Variants in CELF6 observed in about 807,000 individuals in gnomAD.
CELF6 encodes the protein CUGBP Elav-like family member 6.
CELF6 carries 32 observed loss-of-function variants against 53.1 expected under a neutral mutation model. The ratio of observed to expected loss-of-function variants is 0.60; its 90% CI spans 0.46 to 0.81. CELF6 has a LOEUF of 0.81. Among genes scored for constraint, CELF6 ranks in the 30% least tolerant of loss-of-function variants. The pLI is 0.00. For missense variants in CELF6, 539 were observed against 669.5 expected (o/e 0.81, Z 2.15); for synonymous variants, 291 against 288.8 (o/e 1.01, Z -0.08).
intron 3 of CELF6, among the ~76,000 whole-genome samples, chr15:72,292,811 T>C (rs1351615960): frequency 6.6e-6 from 1 of 152,228 alleles, no homozygotes; most frequent in Non-Finnish European, 1.5e-5. Context: ...GCTGATCACT[T>C]GAGGTCGGGG....
chr15:72,307,625 G>A (rs984538095), intron 2 of CELF6, among the ~76,000 whole-genome samples: 2 of 152,238 alleles, frequency 1.3e-5, no homozygotes, highest in African/African-American at 4.8e-5. Context: ...ATCCCATGGT[G>A]GGTAAGTGGT....
chr15:72,304,511 T>G (rs1406858284), intron 3 of CELF6, among the ~76,000 whole-genome samples: 1 of 152,180 alleles, frequency 6.6e-6, no homozygotes. Context: ...TCTCTATCAC[T>G]GGCATCTGTT....
intron 2 of CELF6, among the ~76,000 whole-genome samples, chr15:72,308,297 C>T (rs536153698): frequency 2.0e-5 from 3 of 152,152 alleles, no homozygotes; most frequent in East Asian, 1.9e-4. Flanking sequence ...GGCGTAATCT[C>T]GCCTCACCGA....
At position 72,287,241 on chromosome 15, in the gene CELF6, C is replaced by T. The variant is rs1448500714; in HGVS notation, c.*24G>A. 4 of 1,611,956 alleles carry T rather than the reference C, an allele frequency of 2.5e-6. No homozygotes were observed. The highest frequency in any genetic ancestry group is 3.4e-6 in the Non-Finnish European group (4 of 1,178,906). On this transcript the variant is annotated 3_prime_UTR_variant, in exon 12 of 13. Coordinates refer to ENST00000287202, the MANE Select transcript of CELF6 (RefSeq NM_052840.5). The stretch of plus-strand genomic sequence containing the variant: ...TGGGGTCCATCAGGGACTCACCTTT[C>T]TGTGGCTGGTCAGTGAAAGCAGGTC...
intron 3 of CELF6, among the ~76,000 whole-genome samples, chr15:72,299,831 C>T (rs150475721): frequency 1.3e-5 from 2 of 152,238 alleles, no homozygotes; most frequent in East Asian, 3.9e-4. Context: ...TGGAACTTAG[C>T]TACAGAATTT....
chr15:72,297,353 G>A (rs2088094215), intron 3 of CELF6, among the ~76,000 whole-genome samples: 1 of 151,182 alleles, frequency 6.6e-6, no homozygotes, highest in Non-Finnish European at 1.5e-5. Context: ...GCTTCTATGA[G>A]CTCCACTTTT....
intron 3 of CELF6, among the ~76,000 whole-genome samples, chr15:72,296,693 G>T (rs568528712): frequency 3.9e-5 from 6 of 152,286 alleles, no homozygotes; most frequent in Admixed American, 3.3e-4. Flanking sequence ...CATAAGAAAA[G>T]ATGCTCAAAA....
intron 2 of CELF6, among the ~76,000 whole-genome samples, chr15:72,311,404 TC>T (rs2088294331): frequency 7.2e-6 from 1 of 138,774 alleles, no homozygotes; most frequent in Non-Finnish European, 1.5e-5. Flanking sequence ...TCACCTTTTT[TC>T]TTTTTTTTTT....
chr15:72,287,527 A>G (rs2087938358), intron 11 of CELF6, 135 bp from the exon 12 acceptor site: 3 of 949,228 alleles, frequency 3.2e-6, no homozygotes, highest in Admixed American at 2.4e-5. Context: ...GTTTGTGTGG[A>G]TACAGAGTCA....
Position 72,289,176 on chromosome 15 carries a change from G to T in CELF6, c.992C>A (p.Ser331Tyr). 1 of 1,559,172 alleles carries T rather than the reference G, an allele frequency of 6.4e-7. No homozygotes were observed. ...GAGCCCGTTATTGTAGAGCGTGTCG[G>T]AGCCCGGCTGGCCATTGGTCTGGGG... is the stretch of plus-strand genomic sequence containing the variant. Reference protein sequence around the residue: ...LTPQTNGQPGSDTLYNNGLSP... With the variant: ...LTPQTNGQPGYDTLYNNGLSP... The change falls in exon 8 of 13, where the codon TCC (serine) becomes TAC (tyrosine). Residue 331 changes from serine to tyrosine, a missense_variant. Around this residue, in one of 3 missense-constraint regions of CELF6, gnomAD observed 358 missense variants for 412.8 expected, o/e 0.87. Coordinates refer to ENST00000287202, the MANE Select transcript of CELF6 (RefSeq NM_052840.5). This position sits in a 1 kb window ranked among gnomAD's most constrained non-coding sequence, Gnocchi z 7.6.
chr15:72,315,828 C>A lies in CELF6; in HGVS notation c.345+17G>T, dbSNP rs751092794. 3 of 1,570,224 alleles carry A rather than the reference C, an allele frequency of 1.9e-6. No homozygotes were observed. The highest frequency in any genetic ancestry group is 2.6e-6 in the Non-Finnish European group (3 of 1,153,618). ...CCAGCCTGAGGTGATTCCCACCCCCCAACCTGGAGGACTTACCCCTGGCAG... is the reference window on the plus strand; with the variant it reads ...CCAGCCTGAGGTGATTCCCACCCCCAAACCTGGAGGACTTACCCCTGGCAG... On this transcript the variant is annotated intron_variant, in intron 2 of 12. Coordinates refer to ENST00000287202, the MANE Select transcript of CELF6 (RefSeq NM_052840.5).
rs560828698 is a variant in CELF6 at position 72,308,767 on chromosome 15, G to A, written c.346-3973C>T. 4.0e-5 allele frequency among the ~76,000 whole-genome samples: 6 copies of A among 151,822 alleles called. No homozygotes were observed. The South Asian group carries it at 8.3e-4, about 21-fold the overall frequency. On this transcript the variant is annotated intron_variant, in intron 2 of 12. Transcript: ENST00000287202. ...ATCACCCAGGTTGGAGTGCAGTGGC[G>A]CGATCTCAGCTCACTGCAATCTCCG...
intron 2 of CELF6, among the ~76,000 whole-genome samples, chr15:72,315,469 A>G (rs968947861): frequency 6.6e-6 from 1 of 152,204 alleles, no homozygotes; most frequent in African/African-American, 2.4e-5. Context: ...CCTTAGGACT[A>G]GAGAAAATGG....
intron 3 of CELF6, among the ~76,000 whole-genome samples, chr15:72,293,626 A>G (rs147650919): frequency 7.2e-5 from 11 of 152,052 alleles, no homozygotes; most frequent in African/African-American, 2.4e-4. Flanking sequence ...GGAATGCCAT[A>G]TGGTTGAATG....
chr15:72,319,744 T>C lies in CELF6; in HGVS notation c.131A>G (p.Asp44Gly). 1 of 1,601,048 alleles carries C rather than the reference T, an allele frequency of 6.2e-7. No homozygotes were observed. Among genetic ancestry groups the C allele is most frequent in the South Asian group, 1.1e-5 (1 of 88,908 alleles). The change falls in exon 1 of 13, where the codon GAC (aspartate) becomes GGC (glycine). Residue 44 changes from aspartate to glycine, a missense_variant. By Grantham distance (94) the Asp-to-Gly change is moderately conservative. Coordinates refer to ENST00000287202, the MANE Select transcript of CELF6 (RefSeq NM_052840.5). This position sits in a 1 kb window ranked among gnomAD's most constrained non-coding sequence, Gnocchi z 5.0. The part of the protein sequence containing the change: ...PGPAVPMKDH[D>G]AIKLFVGQIP... ...CTGCCCCACGAAGAGCTTGATGGCGTCGTGGTCCTTCATGGGTACGGCGGG... is the reference window on the plus strand; with the variant it reads ...CTGCCCCACGAAGAGCTTGATGGCGCCGTGGTCCTTCATGGGTACGGCGGG...
rs74026061 is a variant in CELF6 at position 72,306,255 on chromosome 15, C to G, written c.346-1461G>C. 1,142 of 985,122 alleles carry G rather than the reference C, an allele frequency of 1.2e-3. 6 individuals carry two copies. The African/African-American group carries it at 0.018, about 16-fold the overall frequency. 61.0% of individuals were successfully genotyped at this position (985,122 alleles called of 1,614,324 possible). ...TGAGGAATTATTGTTGGGGGGCAGG[C>G]AGCTGAGTGCCAGGAGGGAAAAACA... On this transcript the variant is annotated intron_variant, in intron 2 of 12. Coordinates refer to ENST00000287202, the MANE Select transcript of CELF6 (RefSeq NM_052840.5).
Position 72,288,348 on chromosome 15 carries a change from T to G in CELF6, c.1278A>C (p.Lys426Asn). 1 of 1,614,150 alleles carries G rather than the reference T, an allele frequency of 6.2e-7. No homozygotes were observed. The highest frequency in any genetic ancestry group is 8.5e-7 in the Non-Finnish European group (1 of 1,180,016). Residue 426 changes from lysine (K) to asparagine (N), a missense_variant, in exon 11 of 13, where the codon AAA becomes AAC. By Grantham distance (94) the Lys-to-Asn change is moderately conservative (BLOSUM62 0). Transcript: ENST00000287202. The surrounding 1 kb of genome is among the most constrained non-coding windows in gnomAD (Gnocchi z 4.6). The part of the protein sequence containing the change: ...FLPFGAVVSA[K>N]VFVDRATNQS... ...GGTTGGTGGCTCGATCCACAAAGAC[T>G]TTAGCAGAGACAACGGCTCCAAAGG...
intron 2 of CELF6, among the ~76,000 whole-genome samples, chr15:72,305,853 T>A (rs1025685053): frequency 5.8e-5 from 8 of 137,234 alleles, no homozygotes; most frequent in Admixed American, 1.4e-4. Context: ...AGAGCTCATT[T>A]GTTTTTTTTT....
chr15:72,287,109 C>T, intron 12 of CELF6, 128 bp downstream of exon 12: 2 of 800,240 alleles, frequency 2.5e-6, no homozygotes, highest in Admixed American at 2.8e-5. Context: ...CTCCTAGCTC[C>T]TGGCTCTTCT....
Sources: allele counts gnomAD v4.1 joint callset (sites outside exome capture counted in the v4.1 genomes callset), GRCh38; gene constraint gnomAD v4.1.1; regional missense constraint gnomAD v4.1.1; non-coding constraint Gnocchi (gnomAD v3.1); transcripts MANE v1.5; gene names NCBI Gene and HGNC (gene_info 2026-07-23, HGNC 2026-07-21).